Variants in APBA1 observed in about 807,000 individuals in gnomAD.
The protein encoded by APBA1 is amyloid-beta A4 precursor protein-binding family A member 1.
A neutral mutation model predicts 86.6 loss-of-function variants in APBA1; 55 were observed. The observed-to-expected ratio is 0.64, with a 90% CI of 0.51 to 0.80. APBA1 has a LOEUF of 0.80. APBA1 is among the 30% of genes least tolerant of loss of function. The pLI, the probability that APBA1 is intolerant of heterozygous loss-of-function variation, is 0.00. For synonymous variants in APBA1, 511 were observed against 493.9 expected (o/e 1.03, Z -0.46); for missense variants, 1,090 against 1,183.0 (o/e 0.92, Z 1.15).
At chr9:69,456,932 C>T (rs999631054) in intron 7 of APBA1, 121 bp downstream of exon 7, 20 of 834,628 alleles carry the variant, frequency 2.4e-5, no homozygotes, top group Non-Finnish European at 3.6e-5. Context: ...TTCTAGCTCA[C>T]TGGGGCCCAG....
rs143767519 is a variant in APBA1, at chr9:69,476,097, C to T, written c.1247G>A (p.Ser416Asn). 5.8e-5 allele frequency: 94 copies of T among 1,614,006 alleles called. No individual in the cohort carries two copies. Among genetic ancestry groups the T allele is most frequent in the Non-Finnish European group, 7.8e-5 (92 of 1,180,012 alleles). ...AGGGTCACTGGGGTGAAGAGATGTG[C>T]TTGATGACTCTGCACCCAAGGGGGA... ...SSSPLGAESS[S>N]TSLHPSDPVE... The change falls in exon 3 of 13, where the codon AGC becomes AAC. Residue 416 changes from serine to asparagine, a missense_variant. This residue lies in a region of APBA1 where 678 missense variants were observed against 647.1 expected (regional missense o/e 1.05). Coordinates refer to ENST00000265381, the MANE Select transcript of APBA1 (RefSeq NM_001163.4).
intron 1 of APBA1, among the ~76,000 whole-genome samples, chr9:69,554,962 G>A (rs1345761181): frequency 2.0e-5 from 3 of 152,156 alleles, no homozygotes; most frequent in Non-Finnish European, 4.4e-5. Context: ...ATAGCATGGA[G>A]ACAGACTAAG....
intron 3 of APBA1, among the ~76,000 whole-genome samples, chr9:69,475,377 T>G (rs1164624034): frequency 1.3e-5 from 2 of 152,182 alleles, no homozygotes; most frequent in Non-Finnish European, 2.9e-5. Context: ...ATTTCCAGGG[T>G]TTGACAGGCA....
chr9:69,609,093 T>C (rs1822530546), intron 1 of APBA1, among the ~76,000 whole-genome samples: 1 of 152,218 alleles, frequency 6.6e-6, no homozygotes, highest in Non-Finnish European at 1.5e-5. Context: ...CAATTCTACT[T>C]ATTCATTAAC....
chr9:69,435,264 T>G (rs995683518), intron 11 of APBA1, among the ~76,000 whole-genome samples: 23 of 152,158 alleles, frequency 1.5e-4, no homozygotes, highest in Non-Finnish European at 2.9e-4. Context: ...TACGTGTGCA[T>G]GTGTCTTTGC....
At chr9:69,509,033 T>C (rs1835983706) in intron 2 of APBA1, among the ~76,000 whole-genome samples, 1 of 142,816 alleles carries the variant, frequency 7.0e-6, no homozygotes, top group Admixed American at 7.0e-5. Flanking sequence ...AGCAAACACA[T>C]TCAAAAGCTA....
chr9:69,463,844 G>C (rs1347590242), intron 5 of APBA1: 2 of 152,180 alleles, frequency 1.3e-5, no homozygotes, highest in Non-Finnish European at 2.9e-5. Context: ...ATCAGATTGG[G>C]GTTAAGGACA....
chr9:69,653,793 A>G (rs1053425015), intron 1 of APBA1, among the ~76,000 whole-genome samples: 1 of 152,232 alleles, frequency 6.6e-6, no homozygotes, highest in Non-Finnish European at 1.5e-5. Context: ...AACCTACGGG[A>G]TACAGCAAAA....
intron 1 of APBA1, among the ~76,000 whole-genome samples, chr9:69,566,773 A>G (rs1429764013): frequency 1.3e-5 from 2 of 152,092 alleles, no homozygotes; most frequent in Non-Finnish European, 2.9e-5. Flanking sequence ...CTCCCCAGCT[A>G]CATGCAGGCC....
At chr9:69,614,920 T>C (rs1029207472) in intron 1 of APBA1, among the ~76,000 whole-genome samples, 7 of 152,226 alleles carry the variant, frequency 4.6e-5, no homozygotes, top group Non-Finnish European at 8.8e-5. Flanking sequence ...TAAGGAAGGC[T>C]GGGCTTGTTG....
At chr9:69,515,710 G>C (rs1028852285) in intron 2 of APBA1, among the ~76,000 whole-genome samples, 3 of 128,520 alleles carry the variant, frequency 2.3e-5, no homozygotes, top group African/African-American at 6.2e-5. Flanking sequence ...GGGGGCGGGG[G>C]GTGGAGGGCG....
rs560462568 is a variant in APBA1, at chr9:69,600,221, G to A, written c.-70+71932C>T. Among the ~76,000 whole-genome samples, 7 of 152,316 alleles carry A rather than the reference G, an allele frequency of 4.6e-5. No individual in the cohort carries two copies. The South Asian group carries it at 1.4e-3, about 32-fold the overall frequency. ...GAAGGCAGGGAGAGCATAGGCTGTG[G>A]CCAAAAACAATTTCCGCTGACTATG... On this transcript the variant is annotated intron_variant, in intron 1 of 12. Transcript: ENST00000265381.
At chr9:69,567,010 G>A (rs931305540) in intron 1 of APBA1, among the ~76,000 whole-genome samples, 2 of 152,028 alleles carry the variant, frequency 1.3e-5, no homozygotes. Flanking sequence ...AATATTTCTT[G>A]AATGAATGGA....
intron 1 of APBA1, among the ~76,000 whole-genome samples, chr9:69,594,259 T>A (rs1209204403): frequency 6.6e-6 from 1 of 152,178 alleles, no homozygotes; most frequent in Non-Finnish European, 1.5e-5. Flanking sequence ...GTCTTTAAAA[T>A]GCAGATTATG....
chr9:69,443,489 C>A (rs910304806), intron 10 of APBA1, among the ~76,000 whole-genome samples: 3 of 152,172 alleles, frequency 2.0e-5, no homozygotes, highest in African/African-American at 7.2e-5. Context: ...CACTATACAG[C>A]TGACCCCTGT....
At chr9:69,494,867 C>T (rs1367978722) in intron 2 of APBA1, among the ~76,000 whole-genome samples, 1 of 152,150 alleles carries the variant, frequency 6.6e-6, no homozygotes, top group African/African-American at 2.4e-5. Flanking sequence ...GTGTGTCAGG[C>T]ACTGTACAAG....
intron 1 of APBA1, among the ~76,000 whole-genome samples, chr9:69,641,685 A>G (rs1588408214): frequency 1.3e-5 from 2 of 152,334 alleles, no homozygotes; most frequent in South Asian, 4.1e-4. Context: ...CTGAATATTC[A>G]TATGTGAAAA....
intron 1 of APBA1, among the ~76,000 whole-genome samples, chr9:69,530,329 TACACACACACAC>T (rs1215038586): frequency 2.4e-5 from 3 of 127,544 alleles, no homozygotes; most frequent in African/African-American, 5.9e-5. Flanking sequence ...TATATATATA[TACACACACACAC>T]ACACACACAC....
chr9:69,486,937 C>G (rs1212442885), intron 2 of APBA1, among the ~76,000 whole-genome samples: 1 of 151,122 alleles, frequency 6.6e-6, no homozygotes, highest in Non-Finnish European at 1.5e-5. Context: ...TACTGGCATT[C>G]AGAACTATTT....
Sources: gnomAD v4.1 joint callset for allele counts (sites outside exome capture counted in the v4.1 genomes callset) on GRCh38, gnomAD v4.1.1 for gene constraint, gnomAD v4.1.1 regional missense constraint, MANE v1.5 for transcripts, NCBI Gene and HGNC (gene_info 2026-07-23, HGNC 2026-07-21) for gene names.